Variants in PLXDC2 observed in about 807,000 individuals in gnomAD.
PLXDC2 encodes plexin domain-containing protein 2.
In PLXDC2, 40 loss-of-function variants were observed where a neutral mutation model predicts 68.9. That is an observed-to-expected ratio of 0.58 (90% CI 0.45 to 0.76). The LOEUF is 0.76. Among genes scored for constraint, PLXDC2 ranks in the 30% least tolerant of loss-of-function variants. The probability of loss-of-function intolerance (pLI) is 0.00; values close to 1 mark genes in which losing one functional copy is unlikely to be tolerated. For missense variants in PLXDC2, 644 were observed against 661.9 expected (o/e 0.97, Z 0.30); for synonymous variants, 243 against 234.2 (o/e 1.04, Z -0.34).
intron 3 of PLXDC2, among the ~76,000 whole-genome samples, chr10:20,057,723 A>G (rs1204678751): frequency 6.6e-6 from 1 of 152,142 alleles, no homozygotes; most frequent in Non-Finnish European, 1.5e-5. Flanking sequence ...AGAAATGCCA[A>G]GTAAGGTTCA....
intron 4 of PLXDC2, among the ~76,000 whole-genome samples, chr10:20,076,655 A>G (rs1400829571): frequency 1.3e-5 from 2 of 151,986 alleles, no homozygotes; most frequent in Admixed American, 1.3e-4. Context: ...GACCTCATTC[A>G]TTAGATTTCT....
intron 1 of PLXDC2, among the ~76,000 whole-genome samples, chr10:19,831,068 A>G (rs1335923502): frequency 6.6e-6 from 1 of 151,974 alleles, no homozygotes; most frequent in African/African-American, 2.4e-5. Flanking sequence ...ATAGAAGGCA[A>G]TTAATAAATA....
intron 1 of PLXDC2, among the ~76,000 whole-genome samples, chr10:19,970,841 G>A (rs1834337955): frequency 6.6e-6 from 1 of 152,128 alleles, no homozygotes; most frequent in Non-Finnish European, 1.5e-5. Context: ...AACAAGCCTG[G>A]TGTTGCACTG....
chr10:20,228,434 C>T (rs1057260085), intron 12 of PLXDC2, among the ~76,000 whole-genome samples: 3 of 151,956 alleles, frequency 2.0e-5, no homozygotes, highest in Admixed American at 6.6e-5. Flanking sequence ...TGGTGGCACA[C>T]ACCTGTAGTC....
At chr10:20,073,762 G>A (rs2131712856) in intron 4 of PLXDC2, among the ~76,000 whole-genome samples, 1 of 152,216 alleles carries the variant, frequency 6.6e-6, no homozygotes, top group African/African-American at 2.4e-5. Context: ...CCACCAAGAT[G>A]TGTTTTTTGC....
intron 1 of PLXDC2, among the ~76,000 whole-genome samples, chr10:19,934,531 C>A (rs1246542621): frequency 6.6e-6 from 1 of 152,196 alleles, no homozygotes; most frequent in Non-Finnish European, 1.5e-5. Flanking sequence ...ACATTGGTCA[C>A]CTTGATGGCA....
intron 1 of PLXDC2, among the ~76,000 whole-genome samples, chr10:19,931,278 G>C (rs1833627837): frequency 6.6e-6 from 1 of 152,348 alleles, no homozygotes; most frequent in East Asian, 1.9e-4. Flanking sequence ...TCAGCTTCCA[G>C]TGTGCACTCC....
intron 2 of PLXDC2, among the ~76,000 whole-genome samples, chr10:20,044,072 T>C (rs1388374137): frequency 3.3e-5 from 3 of 91,384 alleles, no homozygotes; most frequent in African/African-American, 1.0e-4. Flanking sequence ...TAGATAGACT[T>C]GCGCAGGGAT....
At position 20,218,972 on chromosome 10, in the gene PLXDC2, A is replaced by G. The variant is rs1317279535; in HGVS notation, c.1274-92A>G. 78 of 1,387,524 alleles carry G rather than the reference A, an allele frequency of 5.6e-5. No homozygotes were observed. In the East Asian group the frequency reaches 1.8e-3, roughly 32 times the overall value. The allele number at this position is 1,387,524 out of a possible 1,614,324, so 86.0% of individuals were successfully genotyped here. A position where few individuals can be genotyped will look rare whatever the true frequency, so the allele number is the denominator to read the frequency against. On this transcript the variant is annotated intron_variant, in intron 11 of 13. Transcript: ENST00000377252. Reference sequence around the variant, plus strand: ...ATCAAAATCTAGTCATGTTCCGACCAAGGCAGTTAGTAGACAATTACTAGT... The same window carrying G: ...ATCAAAATCTAGTCATGTTCCGACCGAGGCAGTTAGTAGACAATTACTAGT...
intron 9 of PLXDC2, among the ~76,000 whole-genome samples, chr10:20,198,884 C>T (rs922350848): frequency 6.6e-6 from 1 of 152,076 alleles, no homozygotes; most frequent in African/African-American, 2.4e-5. Context: ...CTTGCTTCTT[C>T]ATACTGATAA....
intron 1 of PLXDC2, among the ~76,000 whole-genome samples, chr10:19,908,225 C>G (rs1833202455): frequency 6.6e-6 from 1 of 152,082 alleles, no homozygotes; most frequent in African/African-American, 2.4e-5. Flanking sequence ...AAATCTTTCA[C>G]TAATCAATTT....
intron 1 of PLXDC2, among the ~76,000 whole-genome samples, chr10:19,951,678 A>G (rs981038639): frequency 2.6e-5 from 4 of 152,214 alleles, no homozygotes; most frequent in African/African-American, 9.6e-5. Context: ...AAATTGTTCT[A>G]CCAAAGAGAC....
chr10:19,914,291 T>A (rs532008408), intron 1 of PLXDC2, among the ~76,000 whole-genome samples: 2 of 152,326 alleles, frequency 1.3e-5, no homozygotes, highest in African/African-American at 2.4e-5. Flanking sequence ...TTCCTTTCAA[T>A]TTTAATTCTG....
In PLXDC2 at chr10:20,043,386, C is replaced by T. The variant is rs143454973; in HGVS notation, c.325-3483C>T. 89 of 152,126 alleles carry T rather than the reference C, an allele frequency of 5.9e-4. No individual in the cohort carries two copies. The East Asian group carries it at 0.016, about 28-fold the overall frequency. 9.4% of individuals were successfully genotyped at this position (152,126 alleles called of 1,614,324 possible). A position where few individuals can be genotyped will look rare whatever the true frequency, so the allele number is the denominator to read the frequency against. ...CACATAGTATGTCAGTGGTAGACTT[C>T]GTAATTAGACTAAATCGTGTATATT... On this transcript the variant is annotated intron_variant, in intron 2 of 13. Transcript: ENST00000377252.
At chr10:19,856,954 T>C (rs183470294) in intron 1 of PLXDC2, among the ~76,000 whole-genome samples, 43 of 152,298 alleles carry the variant, frequency 2.8e-4, no homozygotes, top group African/African-American at 9.1e-4. Flanking sequence ...ATAATTAGAA[T>C]CATGCAAACT....
intron 1 of PLXDC2, among the ~76,000 whole-genome samples, chr10:19,953,249 G>A (rs1435170441): frequency 6.6e-6 from 1 of 152,192 alleles, no homozygotes; most frequent in Non-Finnish European, 1.5e-5. Context: ...AATGAAGTGT[G>A]GGGAGATCGC....
intron 7 of PLXDC2, among the ~76,000 whole-genome samples, chr10:20,169,244 T>A (rs1233765589): frequency 6.6e-6 from 1 of 152,192 alleles, no homozygotes; most frequent in Non-Finnish European, 1.5e-5. Context: ...ACAAATTGCT[T>A]TCCATCAAGG....
At chr10:19,881,481 T>C (rs1837726941) in intron 1 of PLXDC2, among the ~76,000 whole-genome samples, 1 of 152,158 alleles carries the variant, frequency 6.6e-6, no homozygotes, top group Non-Finnish European at 1.5e-5. Flanking sequence ...CGAGACTCTT[T>C]CAATGCTTAA....
In PLXDC2 at chr10:19,973,237, TAC is replaced by T. The variant is rs1461798245; in HGVS notation, c.113-28532_113-28531del. On this transcript the variant is annotated intron_variant, in intron 1 of 13. Coordinates refer to ENST00000377252, the MANE Select transcript of PLXDC2 (RefSeq NM_032812.9). ...CAAGATCTGCGTATATATATGTATA[TAC>T]ACACATATATATGTATATATATACT... 6.7e-5 allele frequency among the ~76,000 whole-genome samples: 10 copies of T among 149,802 alleles called. No individual in the cohort carries two copies. The South Asian group carries it at 8.4e-4, about 13-fold the overall frequency.
Sources: allele counts gnomAD v4.1 joint callset (sites outside exome capture counted in the v4.1 genomes callset), GRCh38; gene constraint gnomAD v4.1.1; transcripts MANE v1.5; gene names NCBI Gene and HGNC (gene_info 2026-07-23, HGNC 2026-07-21).